Variants in C5orf46 observed in about 807,000 individuals in gnomAD.
C5orf46 encodes the protein chromosome 5 open reading frame 46, also known as uncharacterized protein C5orf46.
Under a neutral mutation model 8.9 loss-of-function variants are expected in C5orf46, and 9 were observed. The observed-to-expected ratio is 1.01, with a 90% CI of 0.61 to 1.76. C5orf46 has a LOEUF of 1.76. Among genes scored for constraint, C5orf46 ranks in the 40% most tolerant of loss-of-function variants. The pLI, the probability that C5orf46 is intolerant of heterozygous loss-of-function variation, is 0.00. For synonymous variants in C5orf46, 47 were observed against 41.4 expected, an observed-to-expected ratio of 1.14 and a Z score of -0.52; for missense variants, 98 against 107.8, an observed-to-expected ratio of 0.91 and a Z score of 0.40.
chr5:147,886,219 G>A lies in C5orf46; in HGVS notation n.205-5125C>T, dbSNP rs181241877. 6.6e-4 allele frequency: 101 copies of A among 152,192 alleles called. 1 individual carries two copies. The East Asian group carries it at 9.3e-3, about 14-fold the overall frequency. 9.4% of individuals were successfully genotyped at this position (152,192 alleles called of 1,614,324 possible). ...GAAGTGAGTGTGTTATATAAGAGCTGTATGAGAGATCCTTATGAGGACAGA... is the reference window on the plus strand; with the variant it reads ...GAAGTGAGTGTGTTATATAAGAGCTATATGAGAGATCCTTATGAGGACAGA... On this transcript the variant is annotated intron_variant and non_coding_transcript_variant, in intron 2 of 2. Coordinates refer to the C5orf46 transcript ENST00000510432.
chr5:147,897,648 T>C (rs1229901041), intron 2 of C5orf46, among the ~76,000 whole-genome samples: 2 of 152,200 alleles, frequency 1.3e-5, no homozygotes, highest in Non-Finnish European at 1.5e-5. Flanking sequence ...AGTAATTTAA[T>C]ACAATGTGGG....
At chr5:147,901,409 A>T in intron 2 of C5orf46, 1 of 392,156 alleles carries the variant, frequency 2.6e-6, no homozygotes, top group Non-Finnish European at 4.5e-6. Context: ...AAAATCCTGT[A>T]TGGAACCACT....
downstream of C5orf46, among the ~76,000 whole-genome samples, chr5:147,891,347 G>GTTT (rs1424246090): frequency 2.0e-5 from 3 of 152,140 alleles, no homozygotes; most frequent in East Asian, 3.9e-4. Context: ...GAAGACATGG[G>GTTT]TCTTATTGGA....
At chr5:147,904,024 A>C (rs1757712401) in intron 1 of C5orf46, among the ~76,000 whole-genome samples, 1 of 151,960 alleles carries the variant, frequency 6.6e-6, no homozygotes, top group African/African-American at 2.4e-5. Context: ...CTGGGGTCAC[A>C]GGTGTGAGCC....
At chr5:147,900,126 G>A (rs1199250618) in intron 2 of C5orf46, among the ~76,000 whole-genome samples, 1 of 152,150 alleles carries the variant, frequency 6.6e-6, no homozygotes, top group Non-Finnish European at 1.5e-5. Flanking sequence ...TTCAACTGGA[G>A]TCTAATCTTT....
At position 147,896,989 on chromosome 5, in the gene C5orf46, G is replaced by T. The variant is rs1456914774; in HGVS notation, c.*4C>A. On this transcript the variant is annotated 3_prime_UTR_variant, in exon 3 of 4. Coordinates refer to ENST00000318315, the MANE Select transcript of C5orf46 (RefSeq NM_206966.3). ...AATTTTAAGTGAAAAATCACCTGAG[G>T]ATGTCACTTTGATGAATGTTTTCCT... The T allele has an allele frequency of 6.7e-7, 1 of 1,485,932 alleles. No homozygotes were observed. The highest frequency in any genetic ancestry group is 1.4e-5 in the African/African-American group (1 of 72,648). 92.0% of individuals were successfully genotyped at this position (1,485,932 alleles called of 1,614,324 possible). A position where few individuals can be genotyped will look rare whatever the true frequency, so the allele number is the denominator to read the frequency against.
intron 2 of C5orf46, among the ~76,000 whole-genome samples, chr5:147,898,341 A>T (rs1349717980): frequency 1.3e-5 from 2 of 152,112 alleles, no homozygotes; most frequent in Non-Finnish European, 2.9e-5. Context: ...CAATTCGATG[A>T]AGGTGATGAT....
At chr5:147,904,790 A>G (rs1757724504) in intron 1 of C5orf46, among the ~76,000 whole-genome samples, 1 of 151,456 alleles carries the variant, frequency 6.6e-6, no homozygotes, top group African/African-American at 2.4e-5. Flanking sequence ...GTTTCCTCAT[A>G]TGTTGTCAGG....
intron 2 of C5orf46, chr5:147,887,670 T>G (rs923093040): frequency 6.6e-6 from 1 of 151,918 alleles, no homozygotes; most frequent in Non-Finnish European, 1.5e-5. Flanking sequence ...CAAATAAACA[T>G]GGGTAAAAGG....
chr5:147,894,769 A>G (rs1158599943), intron 3 of C5orf46, among the ~76,000 whole-genome samples: 5 of 151,208 alleles, frequency 3.3e-5, no homozygotes, highest in East Asian at 1.9e-4. Flanking sequence ...AAAAAAAAAA[A>G]GGGAGGGATC....
intron 1 of C5orf46, among the ~76,000 whole-genome samples, chr5:147,904,139 G>T (rs1168375115): frequency 6.6e-6 from 1 of 152,156 alleles, no homozygotes; most frequent in Non-Finnish European, 1.5e-5. Context: ...AAAGTGCTGG[G>T]CAACCCAGGT....
At chr5:147,890,165 C>A (rs752801919), downstream of C5orf46, among the ~76,000 whole-genome samples, 2 of 152,078 alleles carry the variant, frequency 1.3e-5, no homozygotes, top group African/African-American at 4.8e-5. Flanking sequence ...TATGCTGCAC[C>A]GTGTTGAGTA....
At chr5:147,903,527 T>C (rs752857634) in intron 1 of C5orf46, among the ~76,000 whole-genome samples, 2 of 152,210 alleles carry the variant, frequency 1.3e-5, no homozygotes, top group African/African-American at 2.4e-5. Flanking sequence ...TGCCAAATTA[T>C]GTCAGAAACT....
At chr5:147,905,393 G>T (rs1411739942) in intron 1 of C5orf46, among the ~76,000 whole-genome samples, 2 of 152,174 alleles carry the variant, frequency 1.3e-5, no homozygotes, top group African/African-American at 4.8e-5. Context: ...GAGACAGGGT[G>T]GTGCCTGGTC....
chr5:147,896,413 C>A (rs987228611), intron 3 of C5orf46, among the ~76,000 whole-genome samples: 18 of 152,174 alleles, frequency 1.2e-4, no homozygotes, highest in African/African-American at 4.1e-4. Flanking sequence ...AGTAAGAACA[C>A]AGTTCATACC....
At chr5:147,889,563 G>A (rs746300954), downstream of C5orf46, among the ~76,000 whole-genome samples, 7 of 152,042 alleles carry the variant, frequency 4.6e-5, no homozygotes, top group Admixed American at 6.6e-5. Context: ...TAGGTAATGG[G>A]TTGATAGATA....
At chr5:147,896,589 TTCTC>T in intron 3 of C5orf46, among the ~76,000 whole-genome samples, 1 of 152,104 alleles carries the variant, frequency 6.6e-6, no homozygotes, top group Non-Finnish European at 1.5e-5. Flanking sequence ...TTGTTATCCT[TTCTC>T]TCTGAATTAG....
downstream of C5orf46, chr5:147,892,660 A>G (rs1408998912): frequency 1.3e-5 from 2 of 152,216 alleles, no homozygotes; most frequent in Non-Finnish European, 2.9e-5. Flanking sequence ...TATTTGCATC[A>G]TTAAAACTTT....
At chr5:147,895,636 A>G (rs1471766336) in intron 3 of C5orf46, among the ~76,000 whole-genome samples, 2 of 152,148 alleles carry the variant, frequency 1.3e-5, no homozygotes, top group African/African-American at 4.8e-5. Context: ...CCAGACCTGT[A>G]GGATGTACTC....
Sources: gnomAD v4.1 joint callset for allele counts (sites outside exome capture counted in the v4.1 genomes callset) on GRCh38, gnomAD v4.1.1 for gene constraint, MANE v1.5 for transcripts, NCBI Gene and HGNC (gene_info 2026-07-23, HGNC 2026-07-21) for gene names.